PLK1: variants seen among roughly 807,000 people sequenced by gnomAD.
PLK1 encodes the protein serine/threonine-protein kinase PLK1.
PLK1 carries 6 observed loss-of-function variants against 56.7 expected under a neutral mutation model. The observed-to-expected ratio is 0.11, with a 90% confidence interval of 0.06 to 0.21. The LOEUF (loss-of-function observed/expected upper bound fraction) is 0.21, where lower values mean the gene tolerates loss of function less well. PLK1 is among the 10% of genes least tolerant of loss of function. The pLI is 1.00. For missense variants in PLK1, 546 were observed against 814.4 expected (o/e 0.67, Z 4.01); for synonymous variants, 298 against 325.0 (o/e 0.92, Z 0.89).
rs1241699659 is a variant in PLK1 at position 23,683,851 on chromosome 16, G to C, written c.817-19G>C. On this transcript the variant is annotated intron_variant, in intron 4 of 9. Coordinates refer to ENST00000300093, the MANE Select transcript of PLK1 (RefSeq NM_005030.6). Reference sequence around the variant, plus strand: ...TCCCCTTCACATTCTGCTTATGGCTGTCCCTCTCTCTGCCCCAGCACATCA... The same window carrying C: ...TCCCCTTCACATTCTGCTTATGGCTCTCCCTCTCTCTGCCCCAGCACATCA... 1 of 1,599,038 alleles carries C rather than the reference G, an allele frequency of 6.3e-7. No homozygotes were observed. Among genetic ancestry groups the C allele is most frequent in the Non-Finnish European group, 8.6e-7 (1 of 1,166,466 alleles).
At position 23,683,991 on chromosome 16, in the gene PLK1, G is replaced by A. The variant is rs146806568; in HGVS notation, c.938G>A (p.Arg313His). The stretch of plus-strand genomic sequence containing the variant: ...TTTACTTCTGGCTATATCCCTGCCC[G>A]TCTCCCCATCACCTGCCTGACCATT... ...EFFTSGYIPARLPITCLTIPP... is the reference protein window; with the variant it reads ...EFFTSGYIPAHLPITCLTIPP... Residue 313 changes from arginine to histidine, a missense_variant, in exon 5 of 10, where the codon CGT becomes CAT. Physicochemically the swap from Arg to His is conservative, Grantham distance 29. Around this residue, in one of 7 missense-constraint regions of PLK1, gnomAD observed 157 missense variants for 184.0 expected, o/e 0.85. Coordinates refer to ENST00000300093, the MANE Select transcript of PLK1 (RefSeq NM_005030.6). The A allele has an allele frequency of 2.3e-5, 37 of 1,613,946 alleles. No individual in the cohort carries two copies. Among genetic ancestry groups the A allele is most frequent in the South Asian group, 9.9e-5 (9 of 91,090 alleles).
chr16:23,682,403 CA>C (rs1329233828), intron 4 of PLK1, among the ~76,000 whole-genome samples: 4 of 151,424 alleles, frequency 2.6e-5, no homozygotes, highest in African/African-American at 9.7e-5. Context: ...GTGTAAAAAG[CA>C]AAAAACAAAG....
Position 23,684,100 on chromosome 16 carries a change from G to A in PLK1, c.1036+11G>A. 1 of 1,608,936 alleles carries A rather than the reference G, an allele frequency of 6.2e-7. No homozygotes were observed. Among genetic ancestry groups the A allele is most frequent in the Admixed American group, 1.7e-5 (1 of 60,014 alleles). Reference sequence around the variant, plus strand: ...CAGTCCTCAATAAAGGTACAACAAGGGTCTGGGTAAGAGAGCAGACCCCCC... The same window carrying A: ...CAGTCCTCAATAAAGGTACAACAAGAGTCTGGGTAAGAGAGCAGACCCCCC... On this transcript the variant is annotated intron_variant, in intron 5 of 9. Transcript: ENST00000300093.
intron 5 of PLK1, chr16:23,687,241 G>A (rs778549328): frequency 2.4e-5 from 8 of 328,382 alleles, no homozygotes; most frequent in Non-Finnish European, 4.5e-5. Flanking sequence ...TCATCCTGCA[G>A]GGCCACACCG....
At chr16:23,681,591 T>G (rs1959331933) in intron 3 of PLK1, among the ~76,000 whole-genome samples, 2 of 152,100 alleles carry the variant, frequency 1.3e-5, no homozygotes. Context: ...CCTTTTCAGG[T>G]GTTATCTTTC....
In PLK1 at chr16:23,690,198, T is replaced by G. The variant is rs1321295875; in HGVS notation, c.*135T>G. On this transcript the variant is annotated 3_prime_UTR_variant, in exon 10 of 10. Transcript: ENST00000300093. ...TGGCTGGGCAGAGCTGCATCATCCT[T>G]GCAGGTGGGGGTTGCTGTATAAGTT... is the stretch of plus-strand genomic sequence containing the variant. The G allele has an allele frequency of 5.7e-6, 4 of 705,048 alleles. No individual in the cohort carries two copies. Among genetic ancestry groups the G allele is most frequent in the Non-Finnish European group, 1.0e-5 (4 of 396,528 alleles). The allele number at this position is 705,048 out of a possible 1,614,324, so 43.7% of individuals were successfully genotyped here.
Position 23,688,663 on chromosome 16 carries a change from C to G in PLK1, c.1193-5C>G. 1 of 1,611,016 alleles carries G rather than the reference C, an allele frequency of 6.2e-7. No individual in the cohort carries two copies. The highest frequency in any genetic ancestry group is 8.5e-7 in the Non-Finnish European group (1 of 1,177,084). On this transcript the variant is annotated splice_region_variant and splice_polypyrimidine_tract_variant and intron_variant, in intron 6 of 9. Transcript: ENST00000300093. ...CAACTAACTGTCTGTCTGTTTCTGT[C>G]TCAGAGGAGGCTGAGGATCCTGCCT...
rs144383826 is a variant in PLK1, at chr16:23,689,783, C to T, written c.1609-77C>T. 456 of 1,523,946 alleles carry T rather than the reference C, an allele frequency of 3.0e-4. 1 individual carries two copies. The African/African-American group carries it at 5.4e-3, about 18-fold the overall frequency. 94.4% of individuals were successfully genotyped at this position (1,523,946 alleles called of 1,614,324 possible). A position where few individuals can be genotyped will look rare whatever the true frequency, so the allele number is the denominator to read the frequency against. On this transcript the variant is annotated intron_variant, in intron 9 of 9. Transcript: ENST00000300093. This position sits in a 1 kb window ranked among gnomAD's most constrained non-coding sequence, Gnocchi z 4.8. ...GAGTGAGCGGCTCAGGTACCTATAA[C>T]CTGTTGTGTCTTCCCTCTACTCCCT...
intron 3 of PLK1, 73 bp downstream of exon 3, chr16:23,681,131 C>CTTT: frequency 7.3e-7 from 1 of 1,377,928 alleles, no homozygotes; most frequent in Non-Finnish European, 1.0e-6. Flanking sequence ...CCTGGCTGAC[C>CTTT]TTTTCTGTGG....
Position 23,689,599 on chromosome 16 carries a change from C to A in PLK1, c.1531C>A (p.Leu511Ile), listed in dbSNP as rs1310479212. 1.2e-6 allele frequency: 2 copies of A among 1,613,380 alleles called. No individual in the cohort carries two copies. Among genetic ancestry groups the A allele is most frequent in the African/African-American group, 2.7e-5 (2 of 74,938 alleles). ...TGATGAGCTCGCCCGGCTGCCCTAC[C>A]TACGGACCTGGTTCCGCACCCGCAG... is the stretch of plus-strand genomic sequence containing the variant. ...EGDELARLPY[L>I]RTWFRTRSAI... is the part of the protein sequence containing the mutation. The change falls in exon 9 of 10, where the codon CTA (leucine) becomes ATA (isoleucine). Residue 511 changes from leucine to isoleucine, a missense_variant. This residue lies in a region of PLK1 where 113 missense variants were observed against 202.0 expected (regional missense o/e 0.56). Transcript: ENST00000300093. The surrounding 1 kb of genome is among the most constrained non-coding windows in gnomAD (Gnocchi z 4.8).
Position 23,690,026 on chromosome 16 carries a change from G to C in PLK1, c.1775G>C (p.Ser592Thr). The C allele has an allele frequency of 6.2e-7, 1 of 1,612,494 alleles. No homozygotes were observed. The part of the protein sequence containing the change: ...YARTMVDKLL[S>T]SRSASNRLKA... ...CGCACTATGGTGGACAAGCTGCTGA[G>C]CTCACGCTCGGCCAGCAACCGTCTC... is the stretch of plus-strand genomic sequence containing the variant. Residue 592 changes from serine to threonine, a missense_variant, in exon 10 of 10, where the codon AGC becomes ACC. Physicochemically the swap from Ser to Thr is moderately conservative, Grantham distance 58 (BLOSUM62 1). Coordinates refer to ENST00000300093, the MANE Select transcript of PLK1 (RefSeq NM_005030.6).
In PLK1 at chr16:23,682,149, A is replaced by G. The variant is rs779038687; in HGVS notation, c.808A>G (p.Ile270Val). 4 of 1,525,370 alleles carry G rather than the reference A, an allele frequency of 2.6e-6. No individual in the cohort carries two copies. In the South Asian group the frequency reaches 4.5e-5, roughly 17 times the overall value. The allele number at this position is 1,525,370 out of a possible 1,614,324, so 94.5% of individuals were successfully genotyped here. A position where few individuals can be genotyped will look rare whatever the true frequency, so the allele number is the denominator to read the frequency against. The change falls in exon 4 of 10, where the codon ATT (isoleucine) becomes GTT (valine). Residue 270 changes from isoleucine (I) to valine (V), a missense_variant. By Grantham distance (29) the Ile-to-Val change is conservative (BLOSUM62 3). Around this residue, in one of 7 missense-constraint regions of PLK1, gnomAD observed 157 missense variants for 184.0 expected, o/e 0.85. Transcript: ENST00000300093. ...CCGGATCAAGAAGAATGAATACAGT[A>G]TTCCCAAGGTGACTAATGATGCTTT... ...YLRIKKNEYS[I>V]PKHINPVAAS...
At chr16:23,685,888 T>A (rs1441718647) in intron 5 of PLK1, among the ~76,000 whole-genome samples, 3 of 152,078 alleles carry the variant, frequency 2.0e-5, no homozygotes, top group Non-Finnish European at 4.4e-5. Context: ...TTTCCTCACT[T>A]TTTTTGCATT....
rs765236132 is a variant in PLK1, at chr16:23,682,055, T to C, written c.723-9T>C. On this transcript the variant is annotated splice_polypyrimidine_tract_variant and intron_variant, in intron 3 of 9. Coordinates refer to ENST00000300093, the MANE Select transcript of PLK1 (RefSeq NM_005030.6). ...GAGACTGGTGCCAAATCCTACCTTG[T>C]GCTTACAGGTATACCTTGTTAGTGG... The C allele has an allele frequency of 6.7e-7, 1 of 1,496,452 alleles. No individual in the cohort carries two copies. Among genetic ancestry groups the C allele is most frequent in the Non-Finnish European group, 9.3e-7 (1 of 1,073,282 alleles). 92.7% of individuals were successfully genotyped at this position (1,496,452 alleles called of 1,614,324 possible).
At position 23,689,962 on chromosome 16, in the gene PLK1, G is replaced by A. The variant is rs1959515959; in HGVS notation, c.1711G>A (p.Gly571Ser). The A allele has an allele frequency of 6.8e-6, 11 of 1,613,766 alleles. No individual in the cohort carries two copies. Among genetic ancestry groups the A allele is most frequent in the Admixed American group, 3.3e-5 (2 of 60,004 alleles). ...TYRLSLLEEY[G>S]CCKELASRLR... ...CCGCCTGAGTCTCCTGGAGGAGTAC[G>A]GCTGCTGCAAGGAGCTGGCCAGCCG... is the stretch of plus-strand genomic sequence containing the variant. The change falls in exon 10 of 10, where the codon GGC (glycine) becomes AGC (serine). Residue 571 changes from glycine to serine, a missense_variant. Transcript: ENST00000300093. This position sits in a 1 kb window ranked among gnomAD's most constrained non-coding sequence, Gnocchi z 4.8.
At position 23,689,147 on chromosome 16, in the gene PLK1, G is replaced by A; in HGVS notation, c.1271-91G>A. 8.4e-7 allele frequency: 1 copy of A among 1,184,854 alleles called. No individual in the cohort carries two copies. Among genetic ancestry groups the A allele is most frequent in the Non-Finnish European group, 1.2e-6 (1 of 810,236 alleles). 73.4% of individuals were successfully genotyped at this position (1,184,854 alleles called of 1,614,324 possible). On this transcript the variant is annotated intron_variant, in intron 7 of 9. Transcript: ENST00000300093. The surrounding 1 kb of genome is among the most constrained non-coding windows in gnomAD (Gnocchi z 4.8). ...AATCCTCCTCCCTCAGCCTCCCAAA[G>A]TGCTGGAATCACAGGCATGTGCCAC...
Position 23,687,602 on chromosome 16 carries a change from G to T in PLK1, c.1170G>T (p.Ser390=). ...QLHSVNASKP[S]ERGLVRQEEA... The stretch of plus-strand genomic sequence containing the variant: ...ACAGTGTCAATGCCTCCAAGCCCTC[G>T]GAGCGTGGGCTGGTCAGGCAAGGTG... Residue 390 remains serine (S), a synonymous_variant, in exon 6 of 10, where the codon TCG becomes TCT. Coordinates refer to ENST00000300093, the MANE Select transcript of PLK1 (RefSeq NM_005030.6). 1 of 1,592,824 alleles carries T rather than the reference G, an allele frequency of 6.3e-7. No homozygotes were observed. Among genetic ancestry groups the T allele is most frequent in the Non-Finnish European group, 8.6e-7 (1 of 1,166,168 alleles).
intron 4 of PLK1, among the ~76,000 whole-genome samples, chr16:23,682,714 T>C (rs1189321764): frequency 6.7e-6 from 1 of 149,052 alleles, no homozygotes; most frequent in Non-Finnish European, 1.5e-5. Flanking sequence ...GTATTTTTAG[T>C]AGAGACGGGG....
intron 6 of PLK1, 146 bp from the exon 7 acceptor site, chr16:23,688,522 C>T (rs950218297): frequency 3.0e-6 from 2 of 673,666 alleles, no homozygotes; most frequent in Non-Finnish European, 5.4e-6. Flanking sequence ...CCCTGCTTTG[C>T]TCTTCTCTGG....
Sources: gnomAD v4.1 joint callset for allele counts (sites outside exome capture counted in the v4.1 genomes callset) on GRCh38, gnomAD v4.1.1 for gene constraint, gnomAD v4.1.1 regional missense constraint, Gnocchi (gnomAD v3.1) non-coding constraint, MANE v1.5 for transcripts, NCBI Gene and HGNC (gene_info 2026-07-23, HGNC 2026-07-21) for gene names.